USP25: variants seen among roughly 807,000 people sequenced by gnomAD.
The protein encoded by USP25 is ubiquitin specific peptidase 25.
A neutral mutation model predicts 158.5 loss-of-function variants in USP25; 85 were observed. That is an observed-to-expected ratio of 0.54 (90% confidence interval 0.45 to 0.64). The LOEUF (loss-of-function observed/expected upper bound fraction) is 0.64. Among genes scored for constraint, USP25 ranks in the 30% least tolerant of loss-of-function variants. The probability of loss-of-function intolerance (pLI) is 0.00; values close to 1 mark genes in which losing one functional copy is unlikely to be tolerated. For synonymous variants in USP25, 464 were observed against 460.4 expected (o/e 1.01, Z -0.10); for missense variants, 1,242 against 1,327.3 (o/e 0.94, Z 1.00).
At position 15,830,469 on chromosome 21, in the gene USP25, CCTTAT is replaced by C. The variant is rs139643832; in HGVS notation, c.1694-56_1694-52del. The stretch of plus-strand genomic sequence containing the variant: ...ACATGTTTGTAGGAAAAACATTAGT[CCTTAT>C]CTTATAAGTAGAAACACATTTGCTG... On this transcript the variant is annotated intron_variant, in intron 14 of 25. Coordinates refer to ENST00000400183, the MANE Select transcript of USP25 (RefSeq NM_001283041.3). The C allele has an allele frequency of 2.9e-4, 418 of 1,431,722 alleles. 4 individuals carry two copies. In the African/African-American group the frequency reaches 4.9e-3, roughly 17 times the overall value. 88.7% of individuals were successfully genotyped at this position (1,431,722 alleles called of 1,614,324 possible).
chr21:15,840,134 C>A (rs1457746930), intron 17 of USP25, among the ~76,000 whole-genome samples: 1 of 152,066 alleles, frequency 6.6e-6, no homozygotes, highest in African/African-American at 2.4e-5. Context: ...TGTGCTATTC[C>A]TTCTGCCTGG....
intron 9 of USP25, among the ~76,000 whole-genome samples, chr21:15,813,639 A>C (rs1056916727): frequency 6.6e-6 from 1 of 152,080 alleles, no homozygotes; most frequent in Non-Finnish European, 1.5e-5. Context: ...CTTTCTCATC[A>C]ATATTTACAC....
At chr21:15,814,203 G>A (rs527379883) in intron 9 of USP25, among the ~76,000 whole-genome samples, 1 of 150,600 alleles carries the variant, frequency 6.6e-6, no homozygotes, top group South Asian at 2.1e-4. Context: ...CTGCTGCCAT[G>A]TAAGAAGTGC....
At chr21:15,732,821 T>C (rs775105173) in intron 1 of USP25, among the ~76,000 whole-genome samples, 1 of 152,164 alleles carries the variant, frequency 6.6e-6, no homozygotes, top group Non-Finnish European at 1.5e-5. Flanking sequence ...AATTCATTAG[T>C]CTTTGTCACA....
Position 15,879,417 on chromosome 21 carries a change from G to A in USP25, c.*942G>A, listed in dbSNP as rs2040212961. The A allele has an allele frequency of 6.6e-6, 1 of 152,312 alleles. No homozygotes were observed. The highest frequency in any genetic ancestry group is 1.5e-5 in the Non-Finnish European group (1 of 67,912). The allele number at this position is 152,312 out of a possible 1,614,324, so 9.4% of individuals were successfully genotyped here. On this transcript the variant is annotated 3_prime_UTR_variant, in exon 26 of 26. Transcript: ENST00000400183. Reference sequence around the variant, plus strand: ...ATAAATCATTCTATTTTTGTAAATTGTATATCACTTTAATTGAAAATGTTC... The same window carrying A: ...ATAAATCATTCTATTTTTGTAAATTATATATCACTTTAATTGAAAATGTTC...
chr21:15,831,338 A>G (rs1197568337), intron 15 of USP25, 63 bp from the exon 16 acceptor site: 1 of 1,482,758 alleles, frequency 6.7e-7, no homozygotes, highest in Admixed American at 1.7e-5. Flanking sequence ...TGTGGGTTTC[A>G]TGGAATGTGG....
intron 17 of USP25, among the ~76,000 whole-genome samples, chr21:15,838,093 A>AT (rs1298959763): frequency 1.3e-5 from 2 of 151,706 alleles, no homozygotes; most frequent in Admixed American, 1.3e-4. Context: ...CACTGGGCTG[A>AT]TTTTTTTGTA....
chr21:15,842,686 T>G, intron 18 of USP25, 146 bp downstream of exon 18: 2 of 910,866 alleles, frequency 2.2e-6, no homozygotes, highest in Non-Finnish European at 3.2e-6. Flanking sequence ...CATGGGCAAG[T>G]CATCTCATGC....
At chr21:15,756,119 G>T (rs1247799776) in intron 1 of USP25, among the ~76,000 whole-genome samples, 14 of 152,164 alleles carry the variant, frequency 9.2e-5, no homozygotes, top group Non-Finnish European at 1.3e-4. Context: ...AAGTCTGTCT[G>T]GGTATGGTAT....
chr21:15,789,513 A>T (rs1250074152), intron 4 of USP25, among the ~76,000 whole-genome samples: 2 of 152,116 alleles, frequency 1.3e-5, no homozygotes, highest in African/African-American at 4.8e-5. Flanking sequence ...TATGCTATAG[A>T]TTCAGGATTA....
rs1292381945 is a variant in USP25, at chr21:15,833,558, T to C, written c.2194+10T>C. 6.2e-7 allele frequency: 1 copy of C among 1,607,238 alleles called. No homozygotes were observed. The highest frequency in any genetic ancestry group is 8.5e-7 in the Non-Finnish European group (1 of 1,176,668). ...ACTTCTGTGACAACAGGTTTGTCCA[T>C]TTTTATTAAGTTGTGTTTGATTATC... On this transcript the variant is annotated intron_variant, in intron 17 of 25. Coordinates refer to ENST00000400183, the MANE Select transcript of USP25 (RefSeq NM_001283041.3).
rs575154722 is a variant in USP25 at position 15,812,287 on chromosome 21, T to G, written c.931+1077T>G. ...TCATCAGGTCATGACTAGGCACTGT[T>G]TATAATACCCTGCATGAGCATTTCT... is the stretch of plus-strand genomic sequence containing the variant. On this transcript the variant is annotated intron_variant, in intron 9 of 25. Coordinates refer to ENST00000400183, the MANE Select transcript of USP25 (RefSeq NM_001283041.3). Among the ~76,000 whole-genome samples the G allele has an allele frequency of 9.2e-5, 14 of 152,214 alleles. No homozygotes were observed. The East Asian group carries it at 2.7e-3, about 29-fold the overall frequency.
rs946449653 is a variant in USP25 at position 15,759,491 on chromosome 21, T to A, written c.46-3400T>A. On this transcript the variant is annotated intron_variant, in intron 1 of 25. Coordinates refer to ENST00000400183, the MANE Select transcript of USP25 (RefSeq NM_001283041.3). Reference sequence around the variant, plus strand: ...ATGTAAGATTCACATTGGTTCAATCTGGAAGGGAGGGACAACTCAAGGTCT... The same window carrying A: ...ATGTAAGATTCACATTGGTTCAATCAGGAAGGGAGGGACAACTCAAGGTCT... Among the ~76,000 whole-genome samples, 17 of 152,212 alleles carry A rather than the reference T, an allele frequency of 1.1e-4. 1 individual carries two copies. Among genetic ancestry groups the A allele is most frequent in the African/African-American group, 4.1e-4 (17 of 41,452 alleles).
intron 15 of USP25, 115 bp from the exon 16 acceptor site, chr21:15,831,286 A>T (rs1007522103): frequency 9.5e-5 from 39 of 411,534 alleles, no homozygotes; most frequent in Non-Finnish European, 1.3e-4. Flanking sequence ...TCTCTCATTT[A>T]AAAAAAAAAA....
chr21:15,878,371 T>A lies in USP25; in HGVS notation c.3274T>A (p.Phe1092Ile). 6.2e-7 allele frequency: 1 copy of A among 1,614,076 alleles called. No individual in the cohort carries two copies. ...LLDCSMEIKS[F>I]HEPPKLPSYS... ...TGATTGTTCTATGGAGATTAAAAGT[T>A]TCCATGAGCCACCGAAGTTACCTTC... Residue 1092 changes from phenylalanine to isoleucine, a missense_variant, in exon 26 of 26, where the codon TTC (phenylalanine) becomes ATC (isoleucine). By Grantham distance (21) the Phe-to-Ile change is conservative. Coordinates refer to ENST00000400183, the MANE Select transcript of USP25 (RefSeq NM_001283041.3).
At chr21:15,765,541 C>T (rs1023910098) in intron 2 of USP25, among the ~76,000 whole-genome samples, 2 of 151,902 alleles carry the variant, frequency 1.3e-5, no homozygotes, top group Non-Finnish European at 2.9e-5. Context: ...CCCATGAGTC[C>T]TTGACATTTT....
chr21:15,831,297 T>A, intron 15 of USP25, 104 bp from the exon 16 acceptor site: 3 of 1,018,262 alleles, frequency 2.9e-6, no homozygotes, highest in South Asian at 1.6e-5. Context: ...AAAAAAAAAA[T>A]GCTCTTATGG....
At chr21:15,867,019 A>G (rs1237755716) in intron 22 of USP25, among the ~76,000 whole-genome samples, 1 of 152,120 alleles carries the variant, frequency 6.6e-6, no homozygotes, top group Non-Finnish European at 1.5e-5. Flanking sequence ...TAGTCCCTAT[A>G]TGCCATATAT....
At chr21:15,864,498 C>CT in intron 21 of USP25, 52 bp downstream of exon 21, 1 of 1,442,080 alleles carries the variant, frequency 6.9e-7, no homozygotes. Context: ...TTTTTTTTTC[C>CT]TGCAGATTCC....
Sources: allele counts gnomAD v4.1 joint callset (sites outside exome capture counted in the v4.1 genomes callset), GRCh38; gene constraint gnomAD v4.1.1; transcripts MANE v1.5; gene names NCBI Gene and HGNC (gene_info 2026-07-23, HGNC 2026-07-21).